The following BCL2L13 variants were observed in gnomAD, a reference collection of about 807,000 sequenced individuals.
BCL2L13 encodes the protein BCL2 like 13.
BCL2L13 carries 13 observed loss-of-function variants against 25.8 expected under a neutral mutation model. That is an observed-to-expected ratio of 0.50 (90% CI 0.33 to 0.80). The LOEUF is 0.80. Among genes scored for constraint, BCL2L13 ranks in the 30% least tolerant of loss-of-function variants. The pLI is 0.02. For missense variants in BCL2L13, 504 were observed against 574.9 expected, an observed-to-expected ratio of 0.88 and a Z score of 1.26; for synonymous variants, 244 against 230.3, an observed-to-expected ratio of 1.06 and a Z score of -0.54.
Position 17,708,275 on chromosome 22 carries a change from C to G in BCL2L13, c.600+5889C>G, listed in dbSNP as rs148740768. On this transcript the variant is annotated intron_variant, in intron 6 of 6. Transcript: ENST00000317582. The stretch of plus-strand genomic sequence containing the variant: ...CTTCTGGCCATTAACTCAAAAGGTA[C>G]TATATTACAGACAGAAAAGCACCAG... Among the ~76,000 whole-genome samples the G allele has an allele frequency of 9.9e-3, 1,494 of 150,896 alleles. 33 individuals carry two copies. Among genetic ancestry groups the G allele is most frequent in the African/African-American group, 0.034 (1,389 of 41,258 alleles).
chr22:17,685,277 A>G (rs981971697), intron 3 of BCL2L13, among the ~76,000 whole-genome samples: 4 of 151,752 alleles, frequency 2.6e-5, no homozygotes, highest in Non-Finnish European at 4.4e-5. Context: ...ACAGGCTGGC[A>G]TGCAGTGGCA....
chr22:17,706,262 G>A (rs1382795396), intron 6 of BCL2L13, among the ~76,000 whole-genome samples: 1 of 151,422 alleles, frequency 6.6e-6, no homozygotes, highest in Non-Finnish European at 1.5e-5. Context: ...CTCCCCGCTT[G>A]GCCTCCCAAA....
upstream of BCL2L13, chr22:17,638,512 C>A: frequency 2.3e-6 from 1 of 440,322 alleles, no homozygotes; most frequent in Non-Finnish European, 3.8e-6. Flanking sequence ...TCCTCCAACA[C>A]AGCGACCAGC....
At chr22:17,709,074 A>G (rs919779669) in intron 6 of BCL2L13, among the ~76,000 whole-genome samples, 4 of 151,936 alleles carry the variant, frequency 2.6e-5, no homozygotes, top group African/African-American at 9.7e-5. Flanking sequence ...TCTCTACTAA[A>G]AAATACAAAA....
chr22:17,653,467 G>T (rs547456341), intron 1 of BCL2L13, among the ~76,000 whole-genome samples: 1 of 147,622 alleles, frequency 6.8e-6, no homozygotes, highest in South Asian at 2.2e-4. Context: ...CTACTCTTCA[G>T]TCTGTCTTCC....
chr22:17,638,678 C>T (rs961777722), upstream of BCL2L13: 9 of 1,231,678 alleles, frequency 7.3e-6, no homozygotes, highest in Non-Finnish European at 8.1e-6. Flanking sequence ...TCCTTCCGCT[C>T]CGGATACCGT....
intron 2 of BCL2L13, among the ~76,000 whole-genome samples, chr22:17,672,993 G>C (rs1219291910): frequency 6.6e-6 from 1 of 152,140 alleles, no homozygotes; most frequent in Non-Finnish European, 1.5e-5. Flanking sequence ...AATTATAGTC[G>C]TATGTCCTGG....
intron 6 of BCL2L13, among the ~76,000 whole-genome samples, chr22:17,718,047 A>G (rs1042501269): frequency 2.6e-5 from 4 of 152,076 alleles, no homozygotes; most frequent in Admixed American, 1.3e-4. Flanking sequence ...TGTTCTCGCC[A>G]CAGCACTCTA....
At chr22:17,660,221 G>GT (rs972286109) in intron 2 of BCL2L13, among the ~76,000 whole-genome samples, 2 of 146,468 alleles carry the variant, frequency 1.4e-5, no homozygotes, top group Admixed American at 6.8e-5. Context: ...GGAAAATACT[G>GT]TTTTTTTAAC....
In BCL2L13 at chr22:17,727,788, C is replaced by T. The variant is rs28583299; in HGVS notation, c.*254C>T. ...AGGGGTAAAGCACCCCCTCCAGGAC[C>T]GGGTTTCTCAGCCTTGGCACTAGTG... On this transcript the variant is annotated 3_prime_UTR_variant, in exon 7 of 7. Transcript: ENST00000317582. 949 of 543,468 alleles carry T rather than the reference C, an allele frequency of 1.7e-3. 9 individuals carry two copies. Among genetic ancestry groups the T allele is most frequent in the African/African-American group, 0.016 (841 of 52,912 alleles). The allele number at this position is 543,468 out of a possible 1,614,324, so 33.7% of individuals were successfully genotyped here. A position where few individuals can be genotyped will look rare whatever the true frequency, so the allele number is the denominator to read the frequency against.
chr22:17,674,373 G>A (rs1328515884), intron 2 of BCL2L13, among the ~76,000 whole-genome samples: 2 of 152,104 alleles, frequency 1.3e-5, no homozygotes, highest in African/African-American at 4.8e-5. Flanking sequence ...TTGGGAGGCT[G>A]AGGCGGGCGG....
chr22:17,722,419 G>GTA (rs1353072672), intron 6 of BCL2L13, among the ~76,000 whole-genome samples: 3 of 144,686 alleles, frequency 2.1e-5, no homozygotes, highest in Non-Finnish European at 3.0e-5. Flanking sequence ...GTGTGTGTGT[G>GTA]TATGTAGAGA....
intron 1 of BCL2L13, among the ~76,000 whole-genome samples, chr22:17,640,654 C>A (rs1446057590): frequency 6.6e-6 from 1 of 150,676 alleles, no homozygotes; most frequent in Non-Finnish European, 1.5e-5. Context: ...CCCGGGAGTT[C>A]GAGACCAGCC....
At chr22:17,674,205 T>G (rs561818257) in intron 2 of BCL2L13, among the ~76,000 whole-genome samples, 1 of 152,076 alleles carries the variant, frequency 6.6e-6, no homozygotes, top group East Asian at 1.9e-4. Flanking sequence ...AAGTAGAGAG[T>G]TACATTGGTT....
At chr22:17,715,823 C>A (rs2060931716) in intron 6 of BCL2L13, among the ~76,000 whole-genome samples, 1 of 152,132 alleles carries the variant, frequency 6.6e-6, no homozygotes, top group Admixed American at 6.5e-5. Flanking sequence ...AGCACCAGTG[C>A]TGTGTGACCT....
At chr22:17,714,635 A>C (rs550708160) in intron 6 of BCL2L13, among the ~76,000 whole-genome samples, 1 of 152,208 alleles carries the variant, frequency 6.6e-6, no homozygotes, top group African/African-American at 2.4e-5. Context: ...CTCTACTAGA[A>C]CGTAGAAAGG....
At chr22:17,663,734 A>AGTG (rs936285643) in intron 2 of BCL2L13, among the ~76,000 whole-genome samples, 1 of 120,714 alleles carries the variant, frequency 8.3e-6, no homozygotes, top group African/African-American at 3.3e-5. Flanking sequence ...CCCAGGCTGG[A>AGTG]GTGGTGCAGT....
upstream of BCL2L13, among the ~76,000 whole-genome samples, chr22:17,637,092 G>A (rs893897098): frequency 1.3e-5 from 2 of 151,852 alleles, no homozygotes; most frequent in African/African-American, 4.8e-5. Flanking sequence ...GGCCAACATG[G>A]TGAGACCCCG....
At chr22:17,633,874 T>C (rs951555396), upstream of BCL2L13, among the ~76,000 whole-genome samples, 2 of 152,034 alleles carry the variant, frequency 1.3e-5, no homozygotes, top group African/African-American at 4.8e-5. Context: ...TGGCTTCTGC[T>C]TGCTCCTGAA....
Sources: gnomAD v4.1 joint callset for allele counts (sites outside exome capture counted in the v4.1 genomes callset) on GRCh38, gnomAD v4.1.1 for gene constraint, MANE v1.5 for transcripts, NCBI Gene and HGNC (gene_info 2026-07-23, HGNC 2026-07-21) for gene names.